Variants in ITFG2 observed in about 807,000 individuals in gnomAD.
ITFG2 encodes the protein integrin alpha FG-GAP repeat containing 2.
Under a neutral mutation model 54.4 loss-of-function variants are expected in ITFG2, and 36 were observed. The ratio of observed to expected loss-of-function variants is 0.66; its 90% CI spans 0.51 to 0.87. ITFG2 has a LOEUF of 0.87. ITFG2 is among the 40% of genes least tolerant of loss of function. ITFG2 has a pLI of 0.00. For missense variants in ITFG2, 524 were observed against 576.7 expected, an observed-to-expected ratio of 0.91 and a Z score of 0.94; for synonymous variants, 211 against 225.4, an observed-to-expected ratio of 0.94 and a Z score of 0.57.
chr12:2,827,522 C>G (rs1321487994), downstream of ITFG2: 3 of 1,579,606 alleles, frequency 1.9e-6, no homozygotes, highest in Non-Finnish European at 2.6e-6. This position sits in a 1 kb window ranked among gnomAD's most constrained non-coding sequence, Gnocchi z 4.0. Context: ...GACAGTTGCC[C>G]ATCTCTAAGT....
chr12:2,827,209 A>G, downstream of ITFG2: 1 of 1,614,068 alleles, frequency 6.2e-7, no homozygotes, highest in Non-Finnish European at 8.5e-7. The surrounding 1 kb of genome is among the most constrained non-coding windows in gnomAD (Gnocchi z 4.0). Flanking sequence ...GACAGCAGTC[A>G]CTGGCCAGGC....
intron 2 of ITFG2, chr12:2,855,411 T>G (rs2153929677): frequency 1.6e-6 from 2 of 1,289,218 alleles, no homozygotes; most frequent in East Asian, 7.2e-5. Flanking sequence ...GAGCCCACGT[T>G]TGGGAGGGTG....
chr12:2,842,129 T>TC (rs1465456094), intron 2 of ITFG2, among the ~76,000 whole-genome samples: 194 of 141,540 alleles, frequency 1.4e-3, no homozygotes, highest in Non-Finnish European at 2.5e-3. Flanking sequence ...TCTTTTTTTT[T>TC]TTTTTTTTTT....
At chr12:2,847,182 A>G (rs1565445333) in intron 2 of ITFG2, among the ~76,000 whole-genome samples, 1 of 152,162 alleles carries the variant, frequency 6.6e-6, no homozygotes, top group African/African-American at 2.4e-5. Flanking sequence ...TGTAACATGT[A>G]TTCTTTTAAA....
chr12:2,849,661 T>G, intron 2 of ITFG2: 1 of 949,844 alleles, frequency 1.1e-6, no homozygotes, highest in East Asian at 2.6e-5. Context: ...ATCCCTTCTG[T>G]CTCTCCACCT....
At chr12:2,851,814 G>T (rs1225818734) in intron 2 of ITFG2, among the ~76,000 whole-genome samples, 1 of 152,098 alleles carries the variant, frequency 6.6e-6, no homozygotes, top group African/African-American at 2.4e-5. Flanking sequence ...CAGTAGCTGG[G>T]ATTACAGGCA....
At chr12:2,854,391 G>A (rs1337462374) in intron 2 of ITFG2, among the ~76,000 whole-genome samples, 1 of 152,204 alleles carries the variant, frequency 6.6e-6, no homozygotes, top group Non-Finnish European at 1.5e-5. Flanking sequence ...CCACAGTGAG[G>A]TCGGTACCTG....
chr12:2,821,610 G>A lies in ITFG2; in HGVS notation c.847+14G>A. 9.9e-6 allele frequency: 16 copies of A among 1,614,138 alleles called. No individual in the cohort carries two copies. Among genetic ancestry groups the A allele is most frequent in the Non-Finnish European group, 1.4e-5 (16 of 1,179,996 alleles). ...GCACCCTGGATGGTGAGCAATGCTA[G>A]GATGGGGTGTGGGGGCTGTATGCCT... On this transcript the variant is annotated intron_variant, in intron 8 of 11. Coordinates refer to ENST00000228799, the MANE Select transcript of ITFG2 (RefSeq NM_018463.4).
At chr12:2,820,027 C>T in intron 4 of ITFG2, 59 bp from the exon 5 acceptor site, 1 of 1,547,778 alleles carries the variant, frequency 6.5e-7, no homozygotes, top group Non-Finnish European at 8.7e-7. Context: ...CCACTGTTAG[C>T]AGAGGAGCGG....
intron 4 of ITFG2, among the ~76,000 whole-genome samples, chr12:2,819,383 G>T (rs1379400606): frequency 6.6e-6 from 1 of 152,016 alleles, no homozygotes. Flanking sequence ...CAGGAGAATG[G>T]CATGAACCCA....
chr12:2,814,843 A>G (rs2097917859), intron 1 of ITFG2, among the ~76,000 whole-genome samples: 1 of 151,560 alleles, frequency 6.6e-6, no homozygotes, highest in Admixed American at 6.6e-5. Context: ...AACAAACAAC[A>G]AAAAAACAGA....
downstream of ITFG2, chr12:2,827,435 C>T: frequency 6.6e-7 from 1 of 1,525,510 alleles, no homozygotes; most frequent in African/African-American, 1.4e-5. This position sits in a 1 kb window ranked among gnomAD's most constrained non-coding sequence, Gnocchi z 4.0. Flanking sequence ...TTTCCCTAGA[C>T]TCCTGTTGAA....
intron 4 of ITFG2, among the ~76,000 whole-genome samples, chr12:2,818,873 C>T (rs1010447518): frequency 6.6e-6 from 1 of 151,772 alleles, no homozygotes; most frequent in Non-Finnish European, 1.5e-5. Flanking sequence ...CAAAAAGTAG[C>T]CAGGCATGGT....
rs142104001 is a variant in ITFG2 at position 2,849,981 on chromosome 12, C to T, written n.301-8031C>T. On this transcript the variant is annotated intron_variant and non_coding_transcript_variant, in intron 2 of 3. Transcript: ENST00000537710. ...TTCTTTTAACACAGCTGAATAGTGG[C>T]CAGTTTTCTATGACTCAGCGCACTT... 2.6e-3 allele frequency among the ~76,000 whole-genome samples: 389 copies of T among 152,264 alleles called. 1 individual carries two copies. Among genetic ancestry groups the T allele is most frequent in the African/African-American group, 8.9e-3 (369 of 41,542 alleles).
At chr12:2,859,250 C>T (rs767649634) in intron 3 of ITFG2, 4 of 1,613,732 alleles carry the variant, frequency 2.5e-6, no homozygotes, top group Non-Finnish European at 3.4e-6. Flanking sequence ...CTGAGAAGAG[C>T]AGCTCCGGCT....
chr12:2,849,037 A>G (rs1201701030), intron 2 of ITFG2: 1 of 622,308 alleles, frequency 1.6e-6, no homozygotes, highest in East Asian at 2.9e-5. Flanking sequence ...GAAATATAAC[A>G]ATTTAGAATT....
At chr12:2,830,261 T>C (rs1489409113) in intron 2 of ITFG2, 6 of 152,980 alleles carry the variant, frequency 3.9e-5, no homozygotes, top group Admixed American at 6.5e-5. Flanking sequence ...GCAATCCACA[T>C]AGAAGAAGCA....
At position 2,824,248 on chromosome 12, in the gene ITFG2, T is replaced by A. The variant is rs537029745; in HGVS notation, c.*55T>A. On this transcript the variant is annotated 3_prime_UTR_variant, in exon 12 of 12. Coordinates refer to ENST00000228799, the MANE Select transcript of ITFG2 (RefSeq NM_018463.4). ...TCTTCTGAACCCCCACCCTACCCCC[T>A]AAAGGTATCTGTGGTATTGGCAGGA... is the stretch of plus-strand genomic sequence containing the variant. 3 of 1,524,388 alleles carry A rather than the reference T, an allele frequency of 2.0e-6. No individual in the cohort carries two copies. In the East Asian group the frequency reaches 6.8e-5, roughly 34 times the overall value. The allele number at this position is 1,524,388 out of a possible 1,614,324, so 94.4% of individuals were successfully genotyped here.
Position 2,820,078 on chromosome 12 carries a change from G to T in ITFG2, c.407-8G>T. 6.2e-7 allele frequency: 1 copy of T among 1,600,910 alleles called. No homozygotes were observed. The highest frequency in any genetic ancestry group is 8.5e-7 in the Non-Finnish European group (1 of 1,174,210). On this transcript the variant is annotated splice_region_variant and splice_polypyrimidine_tract_variant and intron_variant, in intron 4 of 11. Coordinates refer to ENST00000228799, the MANE Select transcript of ITFG2 (RefSeq NM_018463.4). The stretch of plus-strand genomic sequence containing the variant: ...CTCCAGAGCCCATCTTGTCTTTCAT[G>T]CCCACAGATGGAGATGGGTGTCGTG...
Sources: allele counts gnomAD v4.1 joint callset (sites outside exome capture counted in the v4.1 genomes callset), GRCh38; gene constraint gnomAD v4.1.1; non-coding constraint Gnocchi (gnomAD v3.1); transcripts MANE v1.5; gene names NCBI Gene and HGNC (gene_info 2026-07-23, HGNC 2026-07-21).